Variants in HCFC2 observed in about 807,000 individuals in gnomAD.
HCFC2 encodes the protein host cell factor 2.
A neutral mutation model predicts 89.2 loss-of-function variants in HCFC2; 18 were observed. The observed-to-expected ratio is 0.20, with a 90% CI of 0.14 to 0.30. The LOEUF (loss-of-function observed/expected upper bound fraction) is 0.30. HCFC2 is among the 10% of genes least tolerant of loss of function. The pLI, the probability that HCFC2 is intolerant of heterozygous loss-of-function variation, is 1.00. For synonymous variants in HCFC2, 308 were observed against 335.7 expected (o/e 0.92, Z 0.90); for missense variants, 578 against 956.1 (o/e 0.60, Z 5.21).
intron 13 of HCFC2, among the ~76,000 whole-genome samples, chr12:104,099,636 A>G (rs567823412): frequency 6.6e-6 from 1 of 151,934 alleles, no homozygotes; most frequent in East Asian, 1.9e-4. Context: ...AAAAAAACTT[A>G]TACAATCACT....
In HCFC2 at chr12:104,098,366, G is replaced by A. The variant is rs753094866; in HGVS notation, c.1764G>A (p.Val588=). The A allele has an allele frequency of 1.9e-6, 3 of 1,607,154 alleles. No homozygotes were observed. The highest frequency in any genetic ancestry group is 2.5e-6 in the Non-Finnish European group (3 of 1,177,956). Residue 588 remains valine, a synonymous_variant, in exon 13 of 15, where the codon GTG becomes GTA. Coordinates refer to ENST00000229330, the MANE Select transcript of HCFC2 (RefSeq NM_013320.3). ...PFSKETPSNP[V]ATVKAGERQW... ...AGAAAGAGACTCCTTCAAATCCAGTGGCCACAGTGAAAGCGGGAGAACGAC... is the reference window on the plus strand; with the variant it reads ...AGAAAGAGACTCCTTCAAATCCAGTAGCCACAGTGAAAGCGGGAGAACGAC...
chr12:104,099,791 G>A (rs1369678079), intron 13 of HCFC2, among the ~76,000 whole-genome samples: 1 of 152,040 alleles, frequency 6.6e-6, no homozygotes, highest in Non-Finnish European at 1.5e-5. Context: ...TTGGCTTCCT[G>A]AGTAGCTAGG....
chr12:104,098,586 C>A, intron 13 of HCFC2, 106 bp downstream of exon 13: 1 of 1,163,700 alleles, frequency 8.6e-7, no homozygotes, highest in Non-Finnish European at 1.2e-6. Flanking sequence ...AATGAGATTT[C>A]TTTTTTAGAA....
chr12:104,080,342 C>A, intron 4 of HCFC2: 1 of 164,506 alleles, frequency 6.1e-6, no homozygotes, highest in South Asian at 1.6e-4. Context: ...CATATTCTCC[C>A]ATATACTTTA....
intron 5 of HCFC2, 25 bp downstream of exon 5, chr12:104,080,855 T>A: frequency 6.8e-7 from 1 of 1,479,332 alleles, no homozygotes; most frequent in Non-Finnish European, 9.2e-7. Context: ...TGTATTTTGC[T>A]TCTGTTTTTT....
chr12:104,075,651 G>A lies in HCFC2; in HGVS notation c.474-3794G>A, dbSNP rs149517953. ...ATTTTTAAGTTTTTTGTTGAGACAG[G>A]ATCTTGCCATGTTGTCCAGGCTGGT... On this transcript the variant is annotated intron_variant, in intron 3 of 14. Transcript: ENST00000229330. 5.9e-3 allele frequency among the ~76,000 whole-genome samples: 904 copies of A among 152,052 alleles called. 4 individuals are homozygous for A. The highest frequency in any genetic ancestry group is 0.034 in the Middle Eastern group (10 of 294).
At chr12:104,075,788 T>C (rs1282212467) in intron 3 of HCFC2, among the ~76,000 whole-genome samples, 1 of 152,222 alleles carries the variant, frequency 6.6e-6, no homozygotes, top group East Asian at 1.9e-4. Context: ...GTTTGAATGC[T>C]TTTTCTAACT....
rs540352239 is a variant in HCFC2 at position 104,067,459 on chromosome 12, C to T, written c.313-488C>T. Among the ~76,000 whole-genome samples the T allele has an allele frequency of 7.6e-3, 1,152 of 152,248 alleles. 10 individuals are homozygous for T. The highest frequency in any genetic ancestry group is 0.026 in the African/African-American group (1,072 of 41,526). ...TAATTGGCAGATGTGAGTGGTTATA[C>T]CTATTTACAAGCAACTCATTGCAAA... On this transcript the variant is annotated intron_variant, in intron 2 of 14. Transcript: ENST00000229330.
intron 9 of HCFC2, among the ~76,000 whole-genome samples, chr12:104,088,705 G>T (rs1019643722): frequency 1.3e-5 from 2 of 152,112 alleles, no homozygotes; most frequent in Non-Finnish European, 2.9e-5. Flanking sequence ...AGGTCCAGAA[G>T]TATATCATGT....
chr12:104,079,690 A>G, intron 4 of HCFC2, 37 bp downstream of exon 4: 1 of 1,466,294 alleles, frequency 6.8e-7, no homozygotes, highest in Admixed American at 1.7e-5. Context: ...GAATAGGGCA[A>G]ATTAAAAAAT....
intron 1 of HCFC2, among the ~76,000 whole-genome samples, chr12:104,065,905 T>C (rs570048436): frequency 6.6e-6 from 1 of 152,286 alleles, no homozygotes; most frequent in African/African-American, 2.4e-5. Flanking sequence ...GGTAATTCTT[T>C]GTTGAGGTTG....
chr12:104,076,791 T>C (rs189313604), intron 3 of HCFC2, among the ~76,000 whole-genome samples: 76 of 152,254 alleles, frequency 5.0e-4, no homozygotes, highest in Non-Finnish European at 7.9e-4. Flanking sequence ...TTCCCCTGCA[T>C]TCCTGCCCCC....
At position 104,095,794 on chromosome 12, in the gene HCFC2, C is replaced by T. The variant is rs1237925726; in HGVS notation, c.1666+231C>T. Among the ~76,000 whole-genome samples the T allele has an allele frequency of 6.6e-6, 1 of 151,876 alleles. No homozygotes were observed. The highest frequency in any genetic ancestry group is 1.5e-5 in the Non-Finnish European group (1 of 67,958). ...CTATCATGACTTTATGGATTTTGACCATATATTTACCTTTATCAGCTTTCA... is the reference window on the plus strand; with the variant it reads ...CTATCATGACTTTATGGATTTTGACTATATATTTACCTTTATCAGCTTTCA... On this transcript the variant is annotated intron_variant, in intron 11 of 14. Transcript: ENST00000229330. The surrounding 1 kb of genome is among the most constrained non-coding windows in gnomAD (Gnocchi z 4.2).
chr12:104,092,645 G>A (rs755074568), intron 9 of HCFC2, among the ~76,000 whole-genome samples: 5 of 151,908 alleles, frequency 3.3e-5, no homozygotes, highest in Non-Finnish European at 5.9e-5. Flanking sequence ...ATGGTGGTGG[G>A]CACCTGTAAT....
At position 104,087,410 on chromosome 12, in the gene HCFC2, C is replaced by CGTGTGT. The variant is rs10548495; in HGVS notation, c.1231+423_1231+428dup. 2.9e-4 allele frequency among the ~76,000 whole-genome samples: 38 copies of CGTGTGT among 133,202 alleles called. No homozygotes were observed. In the South Asian group the frequency reaches 3.6e-3, roughly 12 times the overall value. 87.4% of individuals were successfully genotyped at this position (133,202 alleles called of 152,430 possible). On this transcript the variant is annotated intron_variant, in intron 8 of 14. Coordinates refer to ENST00000229330, the MANE Select transcript of HCFC2 (RefSeq NM_013320.3). The stretch of plus-strand genomic sequence containing the variant: ...ACACAAGCACACATATACTGCAGTA[C>CGTGTGT]GTGTGTGTGTGTGTGTGTGTGTGTG...
intron 12 of HCFC2, among the ~76,000 whole-genome samples, chr12:104,097,096 C>T (rs1884198970): frequency 1.3e-5 from 2 of 152,032 alleles, no homozygotes; most frequent in African/African-American, 2.4e-5. Flanking sequence ...TAGATAAATA[C>T]AAGGATAATA....
At chr12:104,096,576 G>T (rs1423301970) in intron 12 of HCFC2, 143 bp downstream of exon 12, 1 of 557,442 alleles carries the variant, frequency 1.8e-6, no homozygotes, top group African/African-American at 1.9e-5. Context: ...TGATTGAATA[G>T]GAAAATGTTC....
chr12:104,076,712 C>G (rs1883505006), intron 3 of HCFC2, among the ~76,000 whole-genome samples: 2 of 150,648 alleles, frequency 1.3e-5, no homozygotes, highest in East Asian at 2.1e-4. Context: ...CTGCCCCCAC[C>G]ACCAACCCTG....
chr12:104,080,846 G>T lies in HCFC2; in HGVS notation c.767+16G>T. ...TAGGAAACAAGTATGGTGGTTTTTT[G>T]TATTTTGCTTCTGTTTTTTTTAAAA... On this transcript the variant is annotated intron_variant, in intron 5 of 14. Transcript: ENST00000229330. 1 of 1,536,224 alleles carries T rather than the reference G, an allele frequency of 6.5e-7. No individual in the cohort carries two copies. The highest frequency in any genetic ancestry group is 8.9e-7 in the Non-Finnish European group (1 of 1,129,084).
Sources: gnomAD v4.1 joint callset for allele counts (sites outside exome capture counted in the v4.1 genomes callset) on GRCh38, gnomAD v4.1.1 for gene constraint, Gnocchi (gnomAD v3.1) non-coding constraint, MANE v1.5 for transcripts, NCBI Gene and HGNC (gene_info 2026-07-23, HGNC 2026-07-21) for gene names.